The following ZNF317 variants were observed in gnomAD, a reference collection of about 807,000 sequenced individuals.
ZNF317 encodes zinc finger protein 317.
A neutral mutation model predicts 23.4 loss-of-function variants in ZNF317; 17 were observed. That is an observed-to-expected ratio of 0.73 (90% CI 0.50 to 1.09). The LOEUF is 1.09. Ranked by LOEUF, ZNF317 falls within the 50% of genes least tolerant of loss-of-function variation. The pLI, the probability that ZNF317 is intolerant of heterozygous loss-of-function variation, is 0.00. For synonymous variants in ZNF317, 317 were observed against 314.9 expected, an observed-to-expected ratio of 1.01 and a Z score of -0.07; for missense variants, 679 against 796.7, an observed-to-expected ratio of 0.85 and a Z score of 1.78.
intron 1 of ZNF317, among the ~76,000 whole-genome samples, chr19:9,154,289 T>C (rs2050762801): frequency 6.6e-6 from 1 of 152,196 alleles, no homozygotes; most frequent in Non-Finnish European, 1.5e-5. Flanking sequence ...ACTTAGGTGA[T>C]CAGTTTGAAT....
rs1200453356 is a variant in ZNF317 at position 9,160,413 on chromosome 19, G to C, written c.768G>C (p.Gly256=). ...GEKPYECSDC[G]KAFNDPSALR... is the part of the protein sequence containing the mutation. ...AGCCTTACGAGTGCAGCGACTGCGGGAAAGCCTTCAACGACCCTTCAGCCC... is the reference window on the plus strand; with the variant it reads ...AGCCTTACGAGTGCAGCGACTGCGGCAAAGCCTTCAACGACCCTTCAGCCC... The change falls in exon 7 of 7, where the codon GGG becomes GGC. Residue 256 remains glycine, a synonymous_variant. Transcript: ENST00000247956. The surrounding 1 kb of genome is among the most constrained non-coding windows in gnomAD (Gnocchi z 6.8). The C allele has an allele frequency of 1.9e-6, 3 of 1,614,094 alleles. No individual in the cohort carries two copies. The highest frequency in any genetic ancestry group is 1.3e-5 in the African/African-American group (1 of 75,032).
chr19:9,161,400 C>A lies in ZNF317; in HGVS notation c.1755C>A (p.Leu585=), dbSNP rs1355334977. Residue 585 remains leucine, a synonymous_variant, in exon 7 of 7, where the codon CTC becomes CTA. Transcript: ENST00000247956. This position sits in a 1 kb window ranked among gnomAD's most constrained non-coding sequence, Gnocchi z 4.0. The part of the protein sequence containing the change: ...SHVKTHRGEK[L]FVSSVWKRLQ ...TGAAAACTCACCGGGGAGAGAAGCT[C>A]TTTGTGTCATCCGTGTGGAAAAGGC... 1 of 1,613,620 alleles carries A rather than the reference C, an allele frequency of 6.2e-7. No homozygotes were observed. The highest frequency in any genetic ancestry group is 1.7e-5 in the Admixed American group (1 of 60,024).
At chr19:9,147,371 G>T (rs1026980057) in intron 1 of ZNF317, among the ~76,000 whole-genome samples, 1 of 120,324 alleles carries the variant, frequency 8.3e-6, no homozygotes. Flanking sequence ...ATGGAGTCTC[G>T]CTCTGTCGCC....
intron 1 of ZNF317, among the ~76,000 whole-genome samples, chr19:9,143,833 A>G (rs1013425069): frequency 7.0e-6 from 1 of 142,976 alleles, no homozygotes; most frequent in Non-Finnish European, 1.5e-5. Context: ...TTTTGGATTT[A>G]TAACTTTTTA....
chr19:9,141,786 TAA>T (rs562667804), intron 1 of ZNF317, among the ~76,000 whole-genome samples: 1 of 152,166 alleles, frequency 6.6e-6, no homozygotes, highest in Non-Finnish European at 1.5e-5. Flanking sequence ...TGCCTTTCAA[TAA>T]AGTGTTTTTT....
At chr19:9,142,948 T>C (rs951897905) in intron 1 of ZNF317, among the ~76,000 whole-genome samples, 4 of 152,212 alleles carry the variant, frequency 2.6e-5, no homozygotes, top group African/African-American at 9.6e-5. Context: ...TTTTCTAAAC[T>C]CTGGAATGTT....
intron 1 of ZNF317, among the ~76,000 whole-genome samples, chr19:9,153,374 G>T (rs1171552850): frequency 6.6e-6 from 1 of 152,110 alleles, no homozygotes; most frequent in Non-Finnish European, 1.5e-5. Flanking sequence ...TGTTGGTCAG[G>T]CTGGTCTCGA....
At chr19:9,155,414 CTT>C (rs1183795227) in intron 1 of ZNF317, among the ~76,000 whole-genome samples, 2 of 152,166 alleles carry the variant, frequency 1.3e-5, no homozygotes, top group East Asian at 1.9e-4. Flanking sequence ...GCACAGGAGA[CTT>C]TGCCCAGAGA....
At chr19:9,142,369 C>G (rs2050640171) in intron 1 of ZNF317, among the ~76,000 whole-genome samples, 1 of 152,034 alleles carries the variant, frequency 6.6e-6, no homozygotes, top group Non-Finnish European at 1.5e-5. Flanking sequence ...TTGTCATTGA[C>G]TGGAGTTTGG....
intron 1 of ZNF317, 28 bp downstream of exon 1, chr19:9,140,620 C>G (rs549374811): frequency 2.2e-6 from 1 of 455,646 alleles, no homozygotes; most frequent in Admixed American, 2.4e-5. Context: ...TAACCCTTCT[C>G]CCCCTCAGTT....
In ZNF317 at chr19:9,161,434, G is replaced by T; in HGVS notation, c.*1G>T. On this transcript the variant is annotated 3_prime_UTR_variant, in exon 7 of 7. Transcript: ENST00000247956. This position sits in a 1 kb window ranked among gnomAD's most constrained non-coding sequence, Gnocchi z 4.0. ...ATCCGTGTGGAAAAGGCTCCAGTGA[G>T]CGCGCCTGCTTTAGAGACACAGGAT... 5 of 1,607,478 alleles carry T rather than the reference G, an allele frequency of 3.1e-6. No individual in the cohort carries two copies. Among genetic ancestry groups the T allele is most frequent in the Non-Finnish European group, 4.3e-6 (5 of 1,175,588 alleles).
At position 9,150,587 on chromosome 19, in the gene ZNF317, C is replaced by T. The variant is rs1448270846; in HGVS notation, c.-92-5338C>T. 1.6e-4 allele frequency among the ~76,000 whole-genome samples: 24 copies of T among 152,144 alleles called. 1 individual carries two copies. The highest frequency in any genetic ancestry group is 1.5e-5 in the Non-Finnish European group (1 of 68,022). On this transcript the variant is annotated intron_variant, in intron 1 of 6. Transcript: ENST00000247956. ...TGGGGGAGAGGGGCCCAGGGGAACC[C>T]TGACCTTTAGGGGCTGGGCAGAGGA...
intron 1 of ZNF317, among the ~76,000 whole-genome samples, chr19:9,149,228 TA>T (rs1208596654): frequency 1.3e-5 from 2 of 152,036 alleles, no homozygotes; most frequent in Non-Finnish European, 2.9e-5. Flanking sequence ...GTTTGCATTT[TA>T]AAAAGTGGCC....
At chr19:9,159,420 G>T (rs1222624241) in intron 6 of ZNF317, among the ~76,000 whole-genome samples, 1 of 122,862 alleles carries the variant, frequency 8.1e-6, no homozygotes, top group Admixed American at 7.7e-5. Flanking sequence ...TGTTGCCCAG[G>T]CTGGTCTTGA....
At chr19:9,148,346 A>G (rs926914575) in intron 1 of ZNF317, among the ~76,000 whole-genome samples, 1 of 152,214 alleles carries the variant, frequency 6.6e-6, no homozygotes, top group African/African-American at 2.4e-5. Flanking sequence ...AACATCGACA[A>G]GGTTCCACAG....
chr19:9,157,681 CTTTTT>C (rs566513253), intron 4 of ZNF317: 36,248 of 344,984 alleles, frequency 0.11, 1,681 homozygotes, highest in Middle Eastern at 0.17. Context: ...TTTCCTATTT[CTTTTT>C]TTTTTTTTTT....
chr19:9,142,936 T>A (rs2050647159), intron 1 of ZNF317, among the ~76,000 whole-genome samples: 1 of 152,232 alleles, frequency 6.6e-6, no homozygotes, highest in Non-Finnish European at 1.5e-5. Context: ...AGAAGTGTTC[T>A]GTTTTCTAAA....
intron 1 of ZNF317, among the ~76,000 whole-genome samples, chr19:9,146,056 T>A (rs1460765458): frequency 6.6e-6 from 1 of 152,110 alleles, no homozygotes; most frequent in Non-Finnish European, 1.5e-5. Flanking sequence ...GTTGTGGGTT[T>A]CCATTTTGCT....
At position 9,145,981 on chromosome 19, in the gene ZNF317, A is replaced by G. The variant is rs10404665; in HGVS notation, c.-93+5389A>G. On this transcript the variant is annotated intron_variant, in intron 1 of 6. Coordinates refer to ENST00000247956, the MANE Select transcript of ZNF317 (RefSeq NM_020933.5). The stretch of plus-strand genomic sequence containing the variant: ...ATGCAGCAGACTATATTTAAGAAAC[A>G]AATTATTATTATTATTATTATTATT... Among the ~76,000 whole-genome samples the G allele has an allele frequency of 6.2e-3, 934 of 150,296 alleles. 11 individuals carry two copies. Among genetic ancestry groups the G allele is most frequent in the African/African-American group, 0.022 (908 of 40,442 alleles).
Sources: gnomAD v4.1 joint callset for allele counts (sites outside exome capture counted in the v4.1 genomes callset) on GRCh38, gnomAD v4.1.1 for gene constraint, Gnocchi (gnomAD v3.1) non-coding constraint, MANE v1.5 for transcripts, NCBI Gene and HGNC (gene_info 2026-07-23, HGNC 2026-07-21) for gene names.